Variants in SORCS2 observed in about 807,000 individuals in gnomAD.
SORCS2 encodes the protein sortilin related VPS10 domain containing receptor 2, also known as VPS10 domain-containing receptor SorCS2.
A neutral mutation model predicts 141.6 loss-of-function variants in SORCS2; 100 were observed. That is an observed-to-expected ratio of 0.71 (90% confidence interval 0.60 to 0.83). The LOEUF is 0.83. SORCS2 is among the 40% of genes least tolerant of loss of function. The probability of loss-of-function intolerance (pLI) is 0.00; values close to 1 mark genes in which losing one functional copy is unlikely to be tolerated. For missense variants in SORCS2, 1,646 were observed against 1,560.2 expected, an observed-to-expected ratio of 1.05 and a Z score of -0.93; for synonymous variants, 789 against 676.9, an observed-to-expected ratio of 1.17 and a Z score of -2.57.
At chr4:7,416,887 T>G (rs945241783) in intron 2 of SORCS2, among the ~76,000 whole-genome samples, 3 of 151,502 alleles carry the variant, frequency 2.0e-5, no homozygotes, top group African/African-American at 4.9e-5. Flanking sequence ...CACACACATA[T>G]GCATGCACAC....
At position 7,710,383 on chromosome 4, in the gene SORCS2, G is replaced by A. The variant is rs988550909; in HGVS notation, c.1869-2350G>A. ...TGGGGGAATACAAGGTCACGCCTGG[G>A]CCCGGCCTGCAGTGGGTGCTCCGTA... On this transcript the variant is annotated intron_variant, in intron 14 of 26. Coordinates refer to ENST00000507866, the MANE Select transcript of SORCS2 (RefSeq NM_020777.3). Among the ~76,000 whole-genome samples, 6 of 152,118 alleles carry A rather than the reference G, an allele frequency of 3.9e-5. No individual in the cohort carries two copies. In the East Asian group the frequency reaches 1.2e-3, roughly 29 times the overall value.
At chr4:7,397,572 C>T (rs1005100753) in intron 2 of SORCS2, among the ~76,000 whole-genome samples, 12 of 152,036 alleles carry the variant, frequency 7.9e-5, no homozygotes, top group Non-Finnish European at 1.6e-4. Flanking sequence ...GACAGATGTT[C>T]CCTGCCACGG....
At chr4:7,365,267 T>A (rs951350202) in intron 1 of SORCS2, among the ~76,000 whole-genome samples, 6 of 152,208 alleles carry the variant, frequency 3.9e-5, no homozygotes, top group African/African-American at 1.2e-4. Flanking sequence ...GTGGCTGGAT[T>A]GCTGTCAGCA....
At chr4:7,331,723 G>A (rs574746627) in intron 1 of SORCS2, among the ~76,000 whole-genome samples, 2 of 152,296 alleles carry the variant, frequency 1.3e-5, no homozygotes, top group African/African-American at 4.8e-5. Flanking sequence ...TGTTTCTAAC[G>A]AGCCCCCAGG....
chr4:7,306,218 G>A (rs958833879), intron 1 of SORCS2, among the ~76,000 whole-genome samples: 6 of 152,192 alleles, frequency 3.9e-5, no homozygotes, highest in African/African-American at 7.2e-5. Context: ...ACCTAAGCCC[G>A]GGCTCCCCTC....
chr4:7,712,132 C>A (rs16840871), intron 14 of SORCS2, among the ~76,000 whole-genome samples: 5,667 of 152,296 alleles, frequency 0.037, 349 homozygotes, highest in African/African-American at 0.13. Flanking sequence ...TTCCCCCACC[C>A]ACCTAGGCTG....
At chr4:7,282,894 G>A (rs557521614) in intron 1 of SORCS2, among the ~76,000 whole-genome samples, 3 of 152,308 alleles carry the variant, frequency 2.0e-5, no homozygotes, top group East Asian at 1.9e-4. Flanking sequence ...GAAGTGGGGG[G>A]TTCAGCATCT....
At chr4:7,531,204 G>A (rs1389707664) in intron 2 of SORCS2, among the ~76,000 whole-genome samples, 1 of 152,236 alleles carries the variant, frequency 6.6e-6, no homozygotes, top group Non-Finnish European at 1.5e-5. Flanking sequence ...TGAGATGCAT[G>A]TGGTAACCTA....
chr4:7,381,343 C>T (rs552675291), intron 1 of SORCS2, among the ~76,000 whole-genome samples: 2 of 152,254 alleles, frequency 1.3e-5, no homozygotes, highest in African/African-American at 2.4e-5. Context: ...AGCTGGAGGG[C>T]GGAGCACAGA....
At chr4:7,661,594 A>G in intron 6 of SORCS2, 30 bp downstream of exon 6, 2 of 1,549,056 alleles carry the variant, frequency 1.3e-6, no homozygotes, top group South Asian at 1.2e-5. Context: ...GGCACCGGGT[A>G]TCCCTGAGTC....
intron 3 of SORCS2, among the ~76,000 whole-genome samples, chr4:7,533,728 G>T (rs775331878): frequency 6.6e-6 from 1 of 152,256 alleles, no homozygotes; most frequent in Non-Finnish European, 1.5e-5. Context: ...CATGGAGACT[G>T]GGTCAGACAG....
At chr4:7,433,079 G>A (rs1040789254) in intron 2 of SORCS2, 3 of 372,020 alleles carry the variant, frequency 8.1e-6, no homozygotes, top group Non-Finnish European at 1.4e-5. Flanking sequence ...GGGTCAGGGA[G>A]CGGGGCACAT....
intron 1 of SORCS2, among the ~76,000 whole-genome samples, chr4:7,204,348 T>G (rs1727624441): frequency 6.6e-6 from 1 of 152,124 alleles, no homozygotes; most frequent in Non-Finnish European, 1.5e-5. Context: ...CCCAAATAGC[T>G]GGGAGTGCAG....
chr4:7,481,850 C>A (rs1054860124), intron 2 of SORCS2, among the ~76,000 whole-genome samples: 2 of 152,100 alleles, frequency 1.3e-5, no homozygotes, highest in East Asian at 3.9e-4. Context: ...ACCTTTGTCA[C>A]GCTGGATGGT....
intron 1 of SORCS2, among the ~76,000 whole-genome samples, chr4:7,235,221 T>C (rs1231801451): frequency 6.6e-6 from 1 of 152,184 alleles, no homozygotes; most frequent in African/African-American, 2.4e-5. Flanking sequence ...GAGGGCGCCT[T>C]GTGCAGCCGC....
chr4:7,422,196 A>G (rs1370663251), intron 2 of SORCS2, among the ~76,000 whole-genome samples: 1 of 152,018 alleles, frequency 6.6e-6, no homozygotes, highest in Non-Finnish European at 1.5e-5. Context: ...GTCACCATCC[A>G]TTCTCTGACC....
At chr4:7,667,264 C>T in intron 8 of SORCS2, 51 bp downstream of exon 8, 1 of 1,543,116 alleles carries the variant, frequency 6.5e-7, no homozygotes, top group Non-Finnish European at 8.9e-7. Context: ...CTAAGCTTAT[C>T]CTGACTCATG....
At chr4:7,285,330 G>T (rs1716143655) in intron 1 of SORCS2, among the ~76,000 whole-genome samples, 1 of 152,144 alleles carries the variant, frequency 6.6e-6, no homozygotes, top group Admixed American at 6.5e-5. Context: ...ACCACGCCCG[G>T]CCCCATCTCC....
chr4:7,413,506 G>T (rs1402814462), intron 2 of SORCS2, among the ~76,000 whole-genome samples: 1 of 144,228 alleles, frequency 6.9e-6, no homozygotes, highest in African/African-American at 2.6e-5. Flanking sequence ...TGATTCCCCT[G>T]CCTCAGCCTT....
Sources: gnomAD v4.1 joint callset for allele counts (sites outside exome capture counted in the v4.1 genomes callset) on GRCh38, gnomAD v4.1.1 for gene constraint, MANE v1.5 for transcripts, NCBI Gene and HGNC (gene_info 2026-07-23, HGNC 2026-07-21) for gene names.